The following DOCK4 variants were observed in gnomAD, a reference collection of about 807,000 sequenced individuals.
DOCK4 encodes the protein dedicator of cytokinesis 4.
In DOCK4, 97 loss-of-function variants were observed where a neutral mutation model predicts 268.1. The observed-to-expected ratio is 0.36, with a 90% CI of 0.31 to 0.43. The LOEUF (loss-of-function observed/expected upper bound fraction) is 0.43. Ranked by LOEUF, DOCK4 falls within the 20% of genes least tolerant of loss-of-function variation. DOCK4 has a pLI of 1.00. For synonymous variants in DOCK4, 954 were observed against 887.2 expected, an observed-to-expected ratio of 1.08 and a Z score of -1.34; for missense variants, 2,145 against 2,455.7, an observed-to-expected ratio of 0.87 and a Z score of 2.67.
intron 1 of DOCK4, among the ~76,000 whole-genome samples, chr7:112,189,902 A>G (rs993647436): frequency 1.6e-4 from 24 of 151,858 alleles, no homozygotes; most frequent in African/African-American, 5.8e-4. Flanking sequence ...TTTCAATGGC[A>G]ATTTTACATA....
chr7:111,872,339 G>A lies in DOCK4; in HGVS notation c.1856C>T (p.Thr619Ile), dbSNP rs1806496916. 1 of 1,558,156 alleles carries A rather than the reference G, an allele frequency of 6.4e-7. No individual in the cohort carries two copies. The highest frequency in any genetic ancestry group is 2.3e-5 in the East Asian group (1 of 42,700). ...TAAAATTCCAAATAAGGTATCCAGTGTATCCTGCAGAAACTGTTAGATAAA... is the reference window on the plus strand; with the variant it reads ...TAAAATTCCAAATAAGGTATCCAGTATATCCTGCAGAAACTGTTAGATAAA... ...GSEIVKFLQD[T>I]LDTLFGILDE... is the part of the protein sequence containing the mutation. The change falls in exon 19 of 53, where the codon ACA becomes ATA. Residue 619 changes from threonine to isoleucine, a missense_variant. Physicochemically the swap from Thr to Ile is moderately conservative, Grantham distance 89. Transcript: ENST00000428084.
chr7:112,070,783 G>A (rs774874801), intron 1 of DOCK4, among the ~76,000 whole-genome samples: 20 of 152,312 alleles, frequency 1.3e-4, no homozygotes, highest in South Asian at 4.1e-4. Flanking sequence ...AAATCTAAGG[G>A]AAAAGGAAAA....
chr7:112,198,482 C>T (rs796805314), intron 1 of DOCK4, among the ~76,000 whole-genome samples: 2 of 152,326 alleles, frequency 1.3e-5, no homozygotes, highest in African/African-American at 4.8e-5. Flanking sequence ...GATGACCAAA[C>T]CTGTTGCTTT....
chr7:111,840,825 A>G (rs1586145021), intron 25 of DOCK4: 2 of 1,350,226 alleles, frequency 1.5e-6, no homozygotes, highest in Admixed American at 1.9e-5. Context: ...AAGGTGCTCA[A>G]TGTAGTACTG....
intron 42 of DOCK4, among the ~76,000 whole-genome samples, chr7:111,752,578 GTTTTTTTTTTTTTT>G (rs56037303): frequency 3.6e-5 from 3 of 82,214 alleles, no homozygotes; most frequent in Non-Finnish European, 6.5e-5. Flanking sequence ...ATCAGCTTAG[GTTTTTTTTTTTTTT>G]TTTTTTTTTT....
intron 42 of DOCK4, among the ~76,000 whole-genome samples, chr7:111,753,726 C>T (rs1269922636): frequency 1.3e-5 from 2 of 152,282 alleles, no homozygotes; most frequent in East Asian, 3.9e-4. Context: ...AGACCTTCTA[C>T]ACTAGGAGTT....
At chr7:112,026,442 A>C (rs1201444372) in intron 1 of DOCK4, among the ~76,000 whole-genome samples, 2 of 152,184 alleles carry the variant, frequency 1.3e-5, no homozygotes, top group Non-Finnish European at 2.9e-5. Context: ...TCTTCCATGA[A>C]CTGGTCCCCG....
At chr7:111,759,073 T>G (rs1794961342) in intron 40 of DOCK4, among the ~76,000 whole-genome samples, 1 of 152,092 alleles carries the variant, frequency 6.6e-6, no homozygotes, top group Non-Finnish European at 1.5e-5. Flanking sequence ...CACTAACTTG[T>G]GTGTGTGTAT....
chr7:112,086,619 TTCCCATTA>T (rs1178765965), intron 1 of DOCK4, among the ~76,000 whole-genome samples: 1 of 152,128 alleles, frequency 6.6e-6, no homozygotes, highest in Non-Finnish European at 1.5e-5. Flanking sequence ...AAATGTTGGT[TTCCCATTA>T]GGATCAGAAG....
At chr7:111,802,956 G>A (rs1328707641) in intron 30 of DOCK4, among the ~76,000 whole-genome samples, 1 of 152,046 alleles carries the variant, frequency 6.6e-6, no homozygotes, top group East Asian at 1.9e-4. Flanking sequence ...TTAACAGATA[G>A]GACATTTTAC....
intron 11 of DOCK4, among the ~76,000 whole-genome samples, chr7:111,938,539 T>C (rs940744936): frequency 6.6e-6 from 1 of 152,172 alleles, no homozygotes; most frequent in African/African-American, 2.4e-5. Context: ...ATATTAGGCC[T>C]CAACGTCCAA....
intron 2 of DOCK4, among the ~76,000 whole-genome samples, chr7:112,002,224 C>A (rs1275196108): frequency 6.6e-6 from 1 of 152,090 alleles, no homozygotes; most frequent in Non-Finnish European, 1.5e-5. Flanking sequence ...ATCAGAATCT[C>A]TATATCTCAG....
chr7:112,091,015 C>A (rs186834905), intron 1 of DOCK4, among the ~76,000 whole-genome samples: 1 of 152,102 alleles, frequency 6.6e-6, no homozygotes, highest in South Asian at 2.1e-4. Context: ...GGTCTGTTTA[C>A]GAATCATCAG....
chr7:112,180,947 C>T (rs111495612), intron 1 of DOCK4, among the ~76,000 whole-genome samples: 3,324 of 152,262 alleles, frequency 0.022, 41 homozygotes, highest in Middle Eastern at 0.044. Context: ...GTTTGGAAGA[C>T]ATTTCTTAAT....
At chr7:112,170,115 A>G (rs1470851457) in intron 1 of DOCK4, among the ~76,000 whole-genome samples, 7 of 152,186 alleles carry the variant, frequency 4.6e-5, no homozygotes, top group Admixed American at 3.9e-4. Flanking sequence ...TCGTCTTATG[A>G]CAAAAGAGAA....
intron 1 of DOCK4, among the ~76,000 whole-genome samples, chr7:112,175,629 G>A (rs1818440042): frequency 6.6e-6 from 1 of 151,794 alleles, no homozygotes; most frequent in Non-Finnish European, 1.5e-5. Context: ...ATTTATATTT[G>A]TTATTTGTTG....
chr7:112,001,242 C>T (rs1273999189), intron 2 of DOCK4, among the ~76,000 whole-genome samples: 1 of 152,164 alleles, frequency 6.6e-6, no homozygotes, highest in African/African-American at 2.4e-5. Context: ...TTCAGTTACT[C>T]ATGGTCAACC....
At chr7:111,929,412 T>C (rs1161271335) in intron 12 of DOCK4, among the ~76,000 whole-genome samples, 1 of 152,146 alleles carries the variant, frequency 6.6e-6, no homozygotes, top group African/African-American at 2.4e-5. Context: ...TGGTAAAATA[T>C]TTAGGAAACT....
At chr7:111,879,030 C>T (rs1349428754) in intron 16 of DOCK4, among the ~76,000 whole-genome samples, 1 of 151,988 alleles carries the variant, frequency 6.6e-6, no homozygotes, top group East Asian at 1.9e-4. Context: ...AATCCCTCCC[C>T]CAACCCCAGG....
Sources: allele counts gnomAD v4.1 joint callset (sites outside exome capture counted in the v4.1 genomes callset), GRCh38; gene constraint gnomAD v4.1.1; transcripts MANE v1.5; gene names NCBI Gene and HGNC (gene_info 2026-07-23, HGNC 2026-07-21).